Variants in PPP1CB observed in about 807,000 individuals in gnomAD.
PPP1CB encodes protein phosphatase 1 catalytic subunit beta.
PPP1CB carries 2 observed loss-of-function variants against 43.7 expected under a neutral mutation model. The ratio of observed to expected loss-of-function variants is 0.05; its 90% CI spans 0.02 to 0.14. PPP1CB has a LOEUF of 0.14. Among genes scored for constraint, PPP1CB ranks in the 10% least tolerant of loss-of-function variants. PPP1CB has a pLI of 1.00. For missense variants in PPP1CB, 84 were observed against 398.0 expected, an observed-to-expected ratio of 0.21 and a Z score of 6.71; for synonymous variants, 136 against 135.6, an observed-to-expected ratio of 1.00 and a Z score of -0.02.
intron 7 of PPP1CB, among the ~76,000 whole-genome samples, chr2:28,794,906 G>A (rs1240271769): frequency 6.6e-6 from 1 of 152,070 alleles, no homozygotes; most frequent in Admixed American, 6.6e-5. Context: ...TGTTCCATGT[G>A]TAAATTACAT....
At chr2:28,751,762 C>G (rs927983986), upstream of PPP1CB, 1 of 324,180 alleles carries the variant, frequency 3.1e-6, no homozygotes, top group African/African-American at 2.3e-5. Flanking sequence ...CGTGACGCGG[C>G]GGCGCGCAAG....
Position 28,799,449 on chromosome 2 carries a change from T to C in PPP1CB, c.*146T>C, listed in dbSNP as rs1349227871. On this transcript the variant is annotated 3_prime_UTR_variant, in exon 8 of 8. Transcript: ENST00000395366. Reference sequence around the variant, plus strand: ...AAGGAGACGGGTAAAGGATCTTAAATTTTTTTCTAATAGAAAGATGTGCTA... The same window carrying C: ...AAGGAGACGGGTAAAGGATCTTAAACTTTTTTCTAATAGAAAGATGTGCTA... The C allele has an allele frequency of 3.4e-6, 2 of 585,964 alleles. No individual in the cohort carries two copies. The highest frequency in any genetic ancestry group is 3.0e-6 in the Non-Finnish European group (1 of 338,118). 36.3% of individuals were successfully genotyped at this position (585,964 alleles called of 1,614,324 possible). A position where few individuals can be genotyped will look rare whatever the true frequency, so the allele number is the denominator to read the frequency against.
intron 1 of PPP1CB, among the ~76,000 whole-genome samples, chr2:28,765,998 A>AT (rs994758704): frequency 6.6e-6 from 1 of 151,938 alleles, no homozygotes; most frequent in Non-Finnish European, 1.5e-5. Flanking sequence ...TTTCTCATAT[A>AT]TTTTTTTGCC....
chr2:28,790,402 T>G (rs557882774), intron 6 of PPP1CB, among the ~76,000 whole-genome samples: 1 of 152,258 alleles, frequency 6.6e-6, no homozygotes, highest in East Asian at 1.9e-4. Flanking sequence ...TGCAGTGGCA[T>G]GATCTCGGCT....
At chr2:28,794,078 T>C (rs1667445565) in intron 7 of PPP1CB, 81 bp downstream of exon 7, 1 of 1,198,568 alleles carries the variant, frequency 8.3e-7, no homozygotes, top group Middle Eastern at 2.4e-4. Flanking sequence ...TTGTGAAGTT[T>C]CCTTGAGCAA....
At chr2:28,776,318 A>C (rs191043826) in intron 1 of PPP1CB, among the ~76,000 whole-genome samples, 4 of 151,848 alleles carry the variant, frequency 2.6e-5, no homozygotes, top group Admixed American at 2.0e-4. Context: ...GCTGGAGTGC[A>C]ATGGGGCGAT....
At chr2:28,755,773 ACTG>A (rs1411581909) in intron 1 of PPP1CB, among the ~76,000 whole-genome samples, 78 of 152,302 alleles carry the variant, frequency 5.1e-4, no homozygotes, top group African/African-American at 1.9e-3. Flanking sequence ...AGTATGGAAA[ACTG>A]CTGCTGGGTG....
chr2:28,778,362 C>T (rs1316714545), intron 2 of PPP1CB: 1 of 471,118 alleles, frequency 2.1e-6, no homozygotes, highest in Admixed American at 2.3e-5. Flanking sequence ...AATTCAGGAA[C>T]AGCTTAGTGG....
intron 1 of PPP1CB, among the ~76,000 whole-genome samples, chr2:28,772,895 A>G (rs1391422708): frequency 6.6e-6 from 1 of 152,232 alleles, no homozygotes; most frequent in East Asian, 1.9e-4. Context: ...CTGTATTTCA[A>G]ATGACTGTTA....
At chr2:28,795,364 G>A (rs541528041) in intron 7 of PPP1CB, among the ~76,000 whole-genome samples, 1 of 151,128 alleles carries the variant, frequency 6.6e-6, no homozygotes, top group Admixed American at 6.6e-5. Flanking sequence ...GGGTCGAATG[G>A]TGGTTGTTTT....
At chr2:28,793,369 GAAGT>G (rs1272391954) in intron 6 of PPP1CB, among the ~76,000 whole-genome samples, 5 of 150,116 alleles carry the variant, frequency 3.3e-5, no homozygotes, top group Admixed American at 6.7e-5. Context: ...ATCAAAGCAA[GAAGT>G]AAGCTCTTCG....
rs183334947 is a variant in PPP1CB at position 28,765,270 on chromosome 2, G to A, written c.53-11581G>A. ...TCTCTGTCATCAAAACTGATTGCAA[G>A]TGGTCATCTCTTGATGCTGATCTGT... On this transcript the variant is annotated intron_variant, in intron 1 of 7. Coordinates refer to ENST00000395366, the MANE Select transcript of PPP1CB (RefSeq NM_002709.3). 3.4e-3 allele frequency among the ~76,000 whole-genome samples: 514 copies of A among 152,324 alleles called. 3 individuals carry two copies. Among genetic ancestry groups the A allele is most frequent in the Middle Eastern group, 3.4e-3 (1 of 294 alleles).
In PPP1CB at chr2:28,776,833, T is replaced by C; in HGVS notation, c.53-18T>C. 6.3e-7 allele frequency: 1 copy of C among 1,583,568 alleles called. No homozygotes were observed. ...AGTAAATTTTAGAAAACTGACTGTT[T>C]TATTTATCGTTTGTCAGTACGAGGA... On this transcript the variant is annotated intron_variant, in intron 1 of 7. Transcript: ENST00000395366.
At chr2:28,770,133 G>C (rs1318664103) in intron 1 of PPP1CB, among the ~76,000 whole-genome samples, 1 of 151,856 alleles carries the variant, frequency 6.6e-6, no homozygotes, top group Admixed American at 6.6e-5. Flanking sequence ...GCTGGGCGTG[G>C]GTGCCTGTAA....
At chr2:28,792,186 TA>T (rs1667402260) in intron 6 of PPP1CB, among the ~76,000 whole-genome samples, 1 of 151,576 alleles carries the variant, frequency 6.6e-6, no homozygotes, top group Non-Finnish European at 1.5e-5. Flanking sequence ...ACTAAAAATA[TA>T]AAATTAGCTG....
At chr2:28,760,648 C>G (rs1338467741) in intron 1 of PPP1CB, among the ~76,000 whole-genome samples, 1 of 152,172 alleles carries the variant, frequency 6.6e-6, no homozygotes, top group Non-Finnish European at 1.5e-5. Flanking sequence ...CCCCCTAGTC[C>G]TACCTCTCAT....
chr2:28,793,213 A>AAAAAAT (rs910185068), intron 6 of PPP1CB, among the ~76,000 whole-genome samples: 3 of 152,194 alleles, frequency 2.0e-5, no homozygotes, highest in African/African-American at 7.2e-5. Context: ...CTCAAAAAAT[A>AAAAAAT]AAAAATAAAA....
Position 28,759,786 on chromosome 2 carries a change from T to C in PPP1CB, c.52+7610T>C, listed in dbSNP as rs535776995. On this transcript the variant is annotated intron_variant, in intron 1 of 7. Transcript: ENST00000395366. The stretch of plus-strand genomic sequence containing the variant: ...GCGTGCACCACCACACCTGGCTAAT[T>C]TTTTGTATTTTTAGTAGAGACGGGG... 2.6e-3 allele frequency among the ~76,000 whole-genome samples: 393 copies of C among 151,838 alleles called. 5 individuals carry two copies. Among genetic ancestry groups the C allele is most frequent in the African/African-American group, 9.1e-3 (378 of 41,446 alleles).
Position 28,752,009 on chromosome 2 carries a change from C to A in PPP1CB, c.-116C>A. 1 of 990,666 alleles carries A rather than the reference C, an allele frequency of 1.0e-6. No homozygotes were observed. Among genetic ancestry groups the A allele is most frequent in the Non-Finnish European group, 1.6e-6 (1 of 639,044 alleles). The allele number at this position is 990,666 out of a possible 1,614,324, so 61.4% of individuals were successfully genotyped here. A position where few individuals can be genotyped will look rare whatever the true frequency, so the allele number is the denominator to read the frequency against. ...GGCCCGGGAAAAGGGGGAGTTGGAG[C>A]CGGGGTCGAAACGCCGCGTGACTTG... On this transcript the variant is annotated 5_prime_UTR_variant, in exon 1 of 8. Coordinates refer to ENST00000395366, the MANE Select transcript of PPP1CB (RefSeq NM_002709.3).
Sources: gnomAD v4.1 joint callset for allele counts (sites outside exome capture counted in the v4.1 genomes callset) on GRCh38, gnomAD v4.1.1 for gene constraint, MANE v1.5 for transcripts, NCBI Gene and HGNC (gene_info 2026-07-23, HGNC 2026-07-21) for gene names.